The following RGS7 variants were observed in gnomAD, a reference collection of about 807,000 sequenced individuals.
RGS7 encodes the protein regulator of G protein signaling 7, also known as regulator of G-protein signaling 7.
RGS7 carries 27 observed loss-of-function variants against 81.1 expected under a neutral mutation model. The observed-to-expected ratio is 0.33, with a 90% CI of 0.25 to 0.46. RGS7 has a LOEUF of 0.46. Among genes scored for constraint, RGS7 ranks in the 20% least tolerant of loss-of-function variants. RGS7 has a pLI of 1.00. For missense variants in RGS7, 396 were observed against 607.4 expected (o/e 0.65, Z 3.66); for synonymous variants, 208 against 207.7 (o/e 1.00, Z -0.01).
intron 3 of RGS7, among the ~76,000 whole-genome samples, chr1:241,020,499 G>A (rs2059484299): frequency 6.6e-6 from 1 of 151,868 alleles, no homozygotes; most frequent in Non-Finnish European, 1.5e-5. Flanking sequence ...AAGATTTATG[G>A]CCCACCCAGA....
chr1:241,138,282 A>T (rs376563458), intron 2 of RGS7, among the ~76,000 whole-genome samples: 15 of 152,302 alleles, frequency 9.8e-5, no homozygotes, highest in East Asian at 5.8e-4. Flanking sequence ...CAGGTAAGTG[A>T]TACAGGTATC....
intron 2 of RGS7, among the ~76,000 whole-genome samples, chr1:241,208,937 G>A (rs1051279776): frequency 2.0e-5 from 3 of 152,174 alleles, no homozygotes; most frequent in Non-Finnish European, 4.4e-5. Flanking sequence ...TCAGAGGGAC[G>A]GACAGAAACC....
At chr1:241,128,237 A>C (rs1197142946) in intron 2 of RGS7, among the ~76,000 whole-genome samples, 1 of 150,334 alleles carries the variant, frequency 6.7e-6, no homozygotes, top group Non-Finnish European at 1.5e-5. Context: ...AGATTGCGCC[A>C]CTGCACTCCA....
intron 3 of RGS7, among the ~76,000 whole-genome samples, chr1:240,990,390 T>C (rs1252315273): frequency 6.6e-6 from 1 of 152,190 alleles, no homozygotes; most frequent in Non-Finnish European, 1.5e-5. Flanking sequence ...TGAATATAAA[T>C]GTGTTTTGTT....
rs192484097 is a variant in RGS7 at position 240,856,421 on chromosome 1, A to C, written c.609+12166T>G. ...TCTTCTCTTTAGCCTTTAGTGTGGG[A>C]AACTATAAATGTTGGTTGAAAGACA... On this transcript the variant is annotated intron_variant, in intron 9 of 18. Coordinates refer to ENST00000440928, the MANE Select transcript of RGS7 (RefSeq NM_001364886.1). 4.0e-3 allele frequency among the ~76,000 whole-genome samples: 609 copies of C among 152,338 alleles called. 3 individuals carry two copies. The highest frequency in any genetic ancestry group is 7.2e-3 in the Non-Finnish European group (488 of 68,012).
chr1:241,290,398 C>T (rs1476492516), intron 2 of RGS7, among the ~76,000 whole-genome samples: 1 of 152,202 alleles, frequency 6.6e-6, no homozygotes, highest in Non-Finnish European at 1.5e-5. Flanking sequence ...TACCAAAATA[C>T]AGCAATGACT....
intron 2 of RGS7, among the ~76,000 whole-genome samples, chr1:241,243,367 A>G (rs2076354328): frequency 6.6e-6 from 1 of 152,254 alleles, no homozygotes; most frequent in Admixed American, 6.5e-5. Context: ...TTTGAGCAGG[A>G]AAGTGATATG....
chr1:240,939,047 A>G (rs987190653), intron 4 of RGS7, among the ~76,000 whole-genome samples: 1 of 152,200 alleles, frequency 6.6e-6, no homozygotes, highest in Non-Finnish European at 1.5e-5. Flanking sequence ...AATAAAGGTC[A>G]TAAACCTACC....
intron 6 of RGS7, among the ~76,000 whole-genome samples, chr1:240,900,185 T>C (rs1429574497): frequency 1.3e-5 from 2 of 152,262 alleles, no homozygotes; most frequent in Middle Eastern, 3.4e-3. Flanking sequence ...TAGCCATTCG[T>C]CTAATCTTTT....
intron 2 of RGS7, among the ~76,000 whole-genome samples, chr1:241,115,620 T>C (rs930854732): frequency 1.3e-5 from 2 of 152,300 alleles, no homozygotes; most frequent in Admixed American, 1.3e-4. Context: ...TCTCCTTCTC[T>C]TCTTGCCAAC....
intron 3 of RGS7, among the ~76,000 whole-genome samples, chr1:241,085,527 C>A (rs1367605189): frequency 1.3e-5 from 2 of 152,164 alleles, no homozygotes; most frequent in African/African-American, 4.8e-5. Context: ...CAGGGTCAAG[C>A]AATTCTCCTG....
chr1:240,827,295 G>C (rs1236267253), intron 9 of RGS7, 123 bp from the exon 10 acceptor site: 2 of 779,072 alleles, frequency 2.6e-6, no homozygotes, highest in Non-Finnish European at 4.6e-6. Flanking sequence ...ATCAAGGGAG[G>C]TGTTTTCTAG....
chr1:240,824,472 A>C (rs1692418101), intron 10 of RGS7, among the ~76,000 whole-genome samples: 1 of 152,244 alleles, frequency 6.6e-6, no homozygotes, highest in African/African-American at 2.4e-5. Flanking sequence ...TTATGGCGGA[A>C]GGGAAGGGTG....
At chr1:240,990,586 A>T (rs1448344306) in intron 3 of RGS7, among the ~76,000 whole-genome samples, 1 of 152,224 alleles carries the variant, frequency 6.6e-6, no homozygotes, top group Non-Finnish European at 1.5e-5. Flanking sequence ...AATGAATAAC[A>T]TGTAATTGAG....
At chr1:241,295,363 G>GA (rs57526542) in intron 2 of RGS7, among the ~76,000 whole-genome samples, 29,750 of 151,762 alleles carry the variant, frequency 0.2, 3,215 homozygotes, top group Admixed American at 0.26. Flanking sequence ...TGAGGCAGGA[G>GA]AATCATTTGA....
intron 3 of RGS7, among the ~76,000 whole-genome samples, chr1:241,060,752 C>A (rs1341290374): frequency 6.6e-6 from 1 of 152,200 alleles, no homozygotes; most frequent in Non-Finnish European, 1.5e-5. Flanking sequence ...GGATTTGCAA[C>A]CTTGGCCTGG....
chr1:241,148,653 A>G (rs1227958723), intron 2 of RGS7, among the ~76,000 whole-genome samples: 2 of 152,216 alleles, frequency 1.3e-5, no homozygotes, highest in African/African-American at 4.8e-5. Flanking sequence ...TGCTCTCTTC[A>G]TTCATAAAAT....
At chr1:240,968,735 G>A (rs1044802413) in intron 4 of RGS7, among the ~76,000 whole-genome samples, 1 of 152,118 alleles carries the variant, frequency 6.6e-6, no homozygotes, top group Non-Finnish European at 1.5e-5. Context: ...TGACAATGAA[G>A]AGATGGATAT....
At chr1:241,275,433 T>C (rs73122087) in intron 2 of RGS7, among the ~76,000 whole-genome samples, 4,882 of 152,314 alleles carry the variant, frequency 0.032, 93 homozygotes, top group African/African-American at 0.04. Context: ...GATACTTGTT[T>C]AGACGTTCTT....
Sources: allele counts gnomAD v4.1 joint callset (sites outside exome capture counted in the v4.1 genomes callset), GRCh38; gene constraint gnomAD v4.1.1; transcripts MANE v1.5; gene names NCBI Gene and HGNC (gene_info 2026-07-23, HGNC 2026-07-21).